The following MRPS28 variants were observed in gnomAD, a reference collection of about 807,000 sequenced individuals.
MRPS28 encodes the protein mitochondrial ribosomal protein S28.
Under a neutral mutation model 10.8 loss-of-function variants are expected in MRPS28, and 7 were observed. That is an observed-to-expected ratio of 0.65 (90% confidence interval 0.37 to 1.22). The LOEUF (loss-of-function observed/expected upper bound fraction) is 1.22, where lower values mean the gene tolerates loss of function less well. Among genes scored for constraint, MRPS28 ranks in the 50% most tolerant of loss-of-function variants. The probability of loss-of-function intolerance (pLI) is 0.02; values close to 1 mark genes in which losing one functional copy is unlikely to be tolerated. For synonymous variants in MRPS28, 121 were observed against 93.3 expected (o/e 1.30, Z -1.71); for missense variants, 265 against 232.9 (o/e 1.14, Z -0.90).
At chr8:79,926,803 A>G (rs1364412246) in intron 2 of MRPS28, among the ~76,000 whole-genome samples, 2 of 152,196 alleles carry the variant, frequency 1.3e-5, no homozygotes, top group Non-Finnish European at 1.5e-5. Context: ...TATCTGTGGA[A>G]TATTTTTAAA....
chr8:79,988,058 G>A (rs1808244926), intron 2 of MRPS28, among the ~76,000 whole-genome samples: 3 of 151,742 alleles, frequency 2.0e-5, no homozygotes, highest in African/African-American at 7.3e-5. Flanking sequence ...TTAAGAAAAT[G>A]TGGCACATAT....
intron 1 of MRPS28, among the ~76,000 whole-genome samples, chr8:80,015,126 C>T (rs1232142895): frequency 6.6e-6 from 1 of 152,170 alleles, no homozygotes; most frequent in African/African-American, 2.4e-5. Context: ...GACTCTCACA[C>T]TTTTGTGAGT....
chr8:79,975,171 C>T (rs1486011316), intron 2 of MRPS28, among the ~76,000 whole-genome samples: 7 of 152,050 alleles, frequency 4.6e-5, no homozygotes, highest in Admixed American at 1.3e-4. Flanking sequence ...GTGGCATGCA[C>T]CTGTAGTCCC....
At chr8:80,028,204 G>A (rs1352241084) in intron 1 of MRPS28, among the ~76,000 whole-genome samples, 1 of 152,134 alleles carries the variant, frequency 6.6e-6, no homozygotes, top group Non-Finnish European at 1.5e-5. Flanking sequence ...AATTATTTTG[G>A]GGGGTTTCCG....
rs1314507480 is a variant in MRPS28 at position 80,003,300 on chromosome 8, T to C, written c.214-120A>G. 45 of 808,966 alleles carry C rather than the reference T, an allele frequency of 5.6e-5. No individual in the cohort carries two copies. The East Asian group carries it at 1.3e-3, about 23-fold the overall frequency. The allele number at this position is 808,966 out of a possible 1,614,324, so 50.1% of individuals were successfully genotyped here. ...ATAATTTTAAAATATATGTGGAATT[T>C]TGCTTTAAAATGCCAGTTATGCTCT... On this transcript the variant is annotated intron_variant, in intron 1 of 2. Transcript: ENST00000276585.
intron 2 of MRPS28, among the ~76,000 whole-genome samples, chr8:79,988,678 T>TA (rs56965940): frequency 8.7e-4 from 133 of 152,298 alleles, no homozygotes; most frequent in African/African-American, 3.0e-3. Context: ...TTAATTATTA[T>TA]AGTGCTGTGA....
At chr8:79,958,153 G>A (rs184693728) in intron 2 of MRPS28, 1 of 476,786 alleles carries the variant, frequency 2.1e-6, no homozygotes, top group Non-Finnish European at 3.7e-6. Flanking sequence ...GTACTCATTA[G>A]CAATCTCTCC....
At position 80,015,035 on chromosome 8, in the gene MRPS28, C is replaced by T. The variant is rs557069929; in HGVS notation, c.214-11855G>A. Among the ~76,000 whole-genome samples the T allele has an allele frequency of 4.9e-4, 75 of 152,190 alleles. 1 individual carries two copies. The highest frequency in any genetic ancestry group is 1.8e-3 in the African/African-American group (74 of 41,526). On this transcript the variant is annotated intron_variant, in intron 1 of 2. Transcript: ENST00000276585. Reference sequence around the variant, plus strand: ...GAACCAGTGCCGAGGTAGGGAAACCCGAGCTGTAACTGGTGAATTGGTGGA... The same window carrying T: ...GAACCAGTGCCGAGGTAGGGAAACCTGAGCTGTAACTGGTGAATTGGTGGA...
chr8:79,946,223 A>C (rs185994530), intron 2 of MRPS28, among the ~76,000 whole-genome samples: 1 of 152,256 alleles, frequency 6.6e-6, no homozygotes, highest in African/African-American at 2.4e-5. Flanking sequence ...AAAATGTCCC[A>C]TCTTGACTAT....
chr8:79,935,301 G>A (rs188327592), intron 2 of MRPS28, among the ~76,000 whole-genome samples: 4 of 152,264 alleles, frequency 2.6e-5, no homozygotes, highest in Non-Finnish European at 4.4e-5. Context: ...ACATCTGTGT[G>A]CTCAACAGTA....
At chr8:80,026,104 T>G (rs1809487712) in intron 1 of MRPS28, among the ~76,000 whole-genome samples, 1 of 152,216 alleles carries the variant, frequency 6.6e-6, no homozygotes, top group African/African-American at 2.4e-5. Flanking sequence ...TTTGTAAAAT[T>G]TGTAAACAAT....
intron 2 of MRPS28, among the ~76,000 whole-genome samples, chr8:79,981,508 T>C (rs911028239): frequency 6.6e-6 from 1 of 152,242 alleles, no homozygotes; most frequent in Admixed American, 6.5e-5. Context: ...TGTTTAGCTG[T>C]TAACTTTCAA....
chr8:79,923,014 T>C (rs2129852691), intron 2 of MRPS28, among the ~76,000 whole-genome samples: 1 of 152,206 alleles, frequency 6.6e-6, no homozygotes, highest in East Asian at 1.9e-4. Flanking sequence ...ATTTAGGCTA[T>C]TCAGCTTTTT....
chr8:80,019,409 T>C (rs990131209), intron 1 of MRPS28, among the ~76,000 whole-genome samples: 8 of 151,198 alleles, frequency 5.3e-5, no homozygotes, highest in Admixed American at 4.0e-4. Flanking sequence ...CATGGTCGTA[T>C]TTCATTTCGT....
chr8:79,948,810 C>G (rs924416786), intron 2 of MRPS28, among the ~76,000 whole-genome samples: 2 of 152,018 alleles, frequency 1.3e-5, no homozygotes, highest in African/African-American at 4.8e-5. Context: ...CCAGGATAAA[C>G]TGCACTTTGG....
At chr8:80,006,139 C>T (rs547881436) in intron 1 of MRPS28, among the ~76,000 whole-genome samples, 1 of 152,300 alleles carries the variant, frequency 6.6e-6, no homozygotes, top group South Asian at 2.1e-4. Flanking sequence ...GTGGATCTAA[C>T]AGACATCTAC....
intron 1 of MRPS28, among the ~76,000 whole-genome samples, chr8:80,028,046 G>A (rs1407207591): frequency 2.0e-5 from 3 of 152,110 alleles, no homozygotes; most frequent in African/African-American, 7.2e-5. Context: ...AAAGAGAAAA[G>A]GAAAGGAAAG....
intron 1 of MRPS28, 125 bp downstream of exon 1, chr8:80,029,911 T>C: frequency 3.9e-6 from 6 of 1,536,068 alleles, no homozygotes; most frequent in Non-Finnish European, 5.2e-6. Context: ...GCACCGCAAC[T>C]CCGGAAAACT....
intron 2 of MRPS28, among the ~76,000 whole-genome samples, chr8:79,934,793 G>C (rs748824195): frequency 6.6e-6 from 1 of 152,094 alleles, no homozygotes; most frequent in Non-Finnish European, 1.5e-5. Context: ...TATCTTAAAT[G>C]AACAAGTGGG....
Sources: allele counts gnomAD v4.1 joint callset (sites outside exome capture counted in the v4.1 genomes callset), GRCh38; gene constraint gnomAD v4.1.1; transcripts MANE v1.5; gene names NCBI Gene and HGNC (gene_info 2026-07-23, HGNC 2026-07-21).